The following APBA2 variants were observed in gnomAD, a reference collection of about 807,000 sequenced individuals.
APBA2 encodes amyloid beta precursor protein binding family A member 2, also known as amyloid-beta A4 precursor protein-binding family A member 2.
Under a neutral mutation model 75.0 loss-of-function variants are expected in APBA2, and 30 were observed. The ratio of observed to expected loss-of-function variants is 0.40; its 90% CI spans 0.30 to 0.54. The LOEUF is 0.54. Ranked by LOEUF, APBA2 falls within the 20% of genes least tolerant of loss-of-function variation. The probability of loss-of-function intolerance (pLI) is 0.49; values close to 1 mark genes in which losing one functional copy is unlikely to be tolerated. For missense variants in APBA2, 801 were observed against 1,016.1 expected, an observed-to-expected ratio of 0.79 and a Z score of 2.88; for synonymous variants, 444 against 409.6, an observed-to-expected ratio of 1.08 and a Z score of -1.01.
rs2033790344 is a variant in APBA2, at chr15:28,918,424, C to T, written c.-204-3216C>T. 6.6e-6 allele frequency among the ~76,000 whole-genome samples: 1 copy of T among 152,152 alleles called. No individual in the cohort carries two copies. Among genetic ancestry groups the T allele is most frequent in the South Asian group, 2.1e-4 (1 of 4,826 alleles). On this transcript the variant is annotated intron_variant, in intron 1 of 14. Coordinates refer to ENST00000683413, the MANE Select transcript of APBA2 (RefSeq NM_001353788.2). The surrounding 1 kb of genome is among the most constrained non-coding windows in gnomAD (Gnocchi z 4.2). ...TTGATGCGCAACGCCCCCTCCAGGC[C>T]CCGAGTCCCTGTCCTTGGAGGAAGC...
chr15:29,106,932 T>A, intron 12 of APBA2, 113 bp downstream of exon 12: 2 of 1,071,682 alleles, frequency 1.9e-6, no homozygotes, highest in Non-Finnish European at 2.8e-6. Flanking sequence ...ATGGGGAAAC[T>A]GAGGCCCAGG....
intron 4 of APBA2, among the ~76,000 whole-genome samples, chr15:29,059,541 G>C (rs547438099): frequency 6.6e-6 from 1 of 152,162 alleles, no homozygotes; most frequent in Non-Finnish European, 1.5e-5. Context: ...TCAGGGAAAT[G>C]TTAAACTCTT....
At chr15:29,078,604 C>T (rs912453294) in intron 6 of APBA2, among the ~76,000 whole-genome samples, 11 of 149,556 alleles carry the variant, frequency 7.4e-5, no homozygotes, top group Non-Finnish European at 5.9e-5. Context: ...GAGCAAGACT[C>T]CATCTCAAAA....
intron 2 of APBA2, among the ~76,000 whole-genome samples, chr15:28,939,956 C>T (rs1056550713): frequency 6.6e-6 from 1 of 152,174 alleles, no homozygotes; most frequent in Non-Finnish European, 1.5e-5. Context: ...GTGTAGTGTA[C>T]GTGGCTGTGC....
chr15:28,891,170 G>A (rs1253124979), intron 1 of APBA2, among the ~76,000 whole-genome samples: 1 of 152,220 alleles, frequency 6.6e-6, no homozygotes, highest in Non-Finnish European at 1.5e-5. Flanking sequence ...TGTGTGTTGA[G>A]TTTCATCCTT....
chr15:29,006,070 G>T (rs2039098691), intron 3 of APBA2, among the ~76,000 whole-genome samples: 1 of 152,136 alleles, frequency 6.6e-6, no homozygotes, highest in African/African-American at 2.4e-5. Context: ...CATAGTACTA[G>T]AAATTCTAGC....
chr15:29,073,809 T>G lies in APBA2; in HGVS notation c.952-1112T>G, dbSNP rs1459421703. 2.0e-5 allele frequency among the ~76,000 whole-genome samples: 3 copies of G among 152,240 alleles called. 1 individual carries two copies. Among genetic ancestry groups the G allele is most frequent in the Non-Finnish European group, 4.4e-5 (3 of 68,042 alleles). On this transcript the variant is annotated intron_variant, in intron 4 of 14. Transcript: ENST00000683413. ...GGGATTTAAGGGCTATGGATCTGGC[T>G]TCTGTCTTCTGGATGATATAAGGAA...
chr15:29,034,523 A>G (rs1301067648), intron 3 of APBA2, among the ~76,000 whole-genome samples: 1 of 152,098 alleles, frequency 6.6e-6, no homozygotes, highest in Non-Finnish European at 1.5e-5. Context: ...GTTCCTTTAG[A>G]TTTCAGGCCT....
At chr15:29,037,411 C>T (rs2040806449) in intron 3 of APBA2, among the ~76,000 whole-genome samples, 1 of 152,024 alleles carries the variant, frequency 6.6e-6, no homozygotes, top group Admixed American at 6.6e-5. Context: ...GGGTGAGTTA[C>T]CAGAAGGATG....
chr15:28,984,732 G>A (rs1480218991), intron 2 of APBA2, among the ~76,000 whole-genome samples: 1 of 147,510 alleles, frequency 6.8e-6, no homozygotes, highest in African/African-American at 2.7e-5. Flanking sequence ...GGTTGGGAGA[G>A]CTGCTCTGTC....
At chr15:28,994,997 A>AT (rs1444549706) in intron 2 of APBA2, among the ~76,000 whole-genome samples, 11 of 152,184 alleles carry the variant, frequency 7.2e-5, no homozygotes, top group Non-Finnish European at 1.3e-4. Context: ...TGTAGCCAAC[A>AT]TGGAGGGAGA....
At chr15:29,070,737 G>C in intron 4 of APBA2, 1 of 240,906 alleles carries the variant, frequency 4.2e-6, no homozygotes, top group South Asian at 5.1e-5. Context: ...AGGGGGTCAT[G>C]CTCTCACTGC....
chr15:29,059,299 G>A (rs1337882235), intron 4 of APBA2, among the ~76,000 whole-genome samples: 1 of 152,186 alleles, frequency 6.6e-6, no homozygotes, highest in African/African-American at 2.4e-5. Context: ...CAGAATGGCT[G>A]CCATGTGCCT....
At chr15:28,951,119 C>G (rs527456279) in intron 2 of APBA2, among the ~76,000 whole-genome samples, 1 of 152,274 alleles carries the variant, frequency 6.6e-6, no homozygotes, top group South Asian at 2.1e-4. Flanking sequence ...TTTGTCTTGT[C>G]ATCATTCCTT....
chr15:29,106,489 G>C (rs2044411820), intron 11 of APBA2, 118 bp from the exon 12 acceptor site: 3 of 1,178,104 alleles, frequency 2.5e-6, no homozygotes, highest in Admixed American at 4.0e-5. Context: ...AGCCAGCCTT[G>C]GATCCCAGGG....
At chr15:28,890,291 A>C (rs913550740) in intron 1 of APBA2, among the ~76,000 whole-genome samples, 2 of 152,354 alleles carry the variant, frequency 1.3e-5, no homozygotes, top group African/African-American at 4.8e-5. Flanking sequence ...CTGATTCTGC[A>C]CTAAGATTCC....
At chr15:28,917,587 T>C (rs1595451114) in intron 1 of APBA2, among the ~76,000 whole-genome samples, 2 of 151,474 alleles carry the variant, frequency 1.3e-5, no homozygotes, top group South Asian at 2.1e-4. Context: ...CCTCACCCCA[T>C]TTCCCCTGTT....
chr15:28,909,362 A>G (rs1200478883), intron 1 of APBA2, among the ~76,000 whole-genome samples: 5 of 152,036 alleles, frequency 3.3e-5, no homozygotes, highest in East Asian at 3.9e-4. Context: ...TCATACAATC[A>G]TTTATCTTTT....
chr15:28,965,044 A>G (rs57815908), intron 2 of APBA2, among the ~76,000 whole-genome samples: 42,623 of 151,796 alleles, frequency 0.28, 9,357 homozygotes, highest in East Asian at 0.78. Context: ...CTCTTTGCCT[A>G]ATCATTAAGG....
Sources: allele counts gnomAD v4.1 joint callset (sites outside exome capture counted in the v4.1 genomes callset), GRCh38; gene constraint gnomAD v4.1.1; non-coding constraint Gnocchi (gnomAD v3.1); transcripts MANE v1.5; gene names NCBI Gene and HGNC (gene_info 2026-07-23, HGNC 2026-07-21).